Variants in DLG2 observed in about 807,000 individuals in gnomAD.
DLG2 encodes discs large MAGUK scaffold protein 2.
DLG2 carries 45 observed loss-of-function variants against 132.5 expected under a neutral mutation model. That is an observed-to-expected ratio of 0.34 (90% CI 0.27 to 0.44). DLG2 has a LOEUF of 0.44. Among genes scored for constraint, DLG2 ranks in the 20% least tolerant of loss-of-function variants. The pLI is 1.00. For synonymous variants in DLG2, 424 were observed against 419.6 expected, an observed-to-expected ratio of 1.01 and a Z score of -0.13; for missense variants, 1,045 against 1,196.9, an observed-to-expected ratio of 0.87 and a Z score of 1.87.
chr11:85,367,278 G>A (rs2084632536), intron 3 of DLG2, among the ~76,000 whole-genome samples: 1 of 152,162 alleles, frequency 6.6e-6, no homozygotes, highest in African/African-American at 2.4e-5. Context: ...TCTGAAAGCA[G>A]ATTGCCTGGA....
intron 2 of DLG2, among the ~76,000 whole-genome samples, chr11:85,613,175 C>T (rs958267188): frequency 3.9e-5 from 6 of 152,310 alleles, no homozygotes; most frequent in South Asian, 2.1e-4. Flanking sequence ...TGCTGTTACT[C>T]GCCTTTGGGC....
chr11:84,307,306 A>G lies in DLG2; in HGVS notation c.520-56015T>C, dbSNP rs75798025. ...AATGGGAGCTAAATATTGAGTACTCATGAACACAAAGGGGAACAATAGACA... is the reference window on the plus strand; with the variant it reads ...AATGGGAGCTAAATATTGAGTACTCGTGAACACAAAGGGGAACAATAGACA... On this transcript the variant is annotated intron_variant, in intron 7 of 27. Coordinates refer to ENST00000376104, the MANE Select transcript of DLG2 (RefSeq NM_001142699.3). Among the ~76,000 whole-genome samples, 958 of 152,278 alleles carry G rather than the reference A, an allele frequency of 6.3e-3. 6 individuals are homozygous for G. The highest frequency in any genetic ancestry group is 0.011 in the Non-Finnish European group (723 of 68,018).
chr11:83,661,435 A>G (rs1489173888), intron 18 of DLG2, among the ~76,000 whole-genome samples: 1 of 152,230 alleles, frequency 6.6e-6, no homozygotes, highest in African/African-American at 2.4e-5. Flanking sequence ...AATATCTACA[A>G]CAATATATTA....
intron 6 of DLG2, among the ~76,000 whole-genome samples, chr11:84,555,668 G>A (rs2099410519): frequency 6.6e-6 from 1 of 152,188 alleles, no homozygotes; most frequent in African/African-American, 2.4e-5. Flanking sequence ...GAGAGAGGAA[G>A]AAATAGGGAG....
intron 3 of DLG2, among the ~76,000 whole-genome samples, chr11:85,415,322 A>G (rs1229678206): frequency 2.0e-5 from 3 of 152,084 alleles, no homozygotes; most frequent in East Asian, 1.9e-4. Flanking sequence ...ATAAACATAC[A>G]TGTGCATGTG....
intron 7 of DLG2, among the ~76,000 whole-genome samples, chr11:84,498,922 G>A (rs951725697): frequency 1.3e-5 from 2 of 152,158 alleles, no homozygotes; most frequent in East Asian, 3.9e-4. Flanking sequence ...TGAGGGCCAG[G>A]TACAGTGCTT....
chr11:84,106,813 CTG>C (rs71066090), intron 9 of DLG2, among the ~76,000 whole-genome samples: 82,724 of 132,280 alleles, frequency 0.63, 26,150 homozygotes, highest in Middle Eastern at 0.77. Context: ...AGATTATTAT[CTG>C]TGTGTGTGTG....
intron 10 of DLG2, among the ~76,000 whole-genome samples, chr11:84,097,167 A>T (rs1435303855): frequency 6.6e-6 from 1 of 152,180 alleles, no homozygotes. Context: ...GCTTTATTTA[A>T]TAAGACTCCG....
chr11:85,415,383 G>A (rs2089737843), intron 3 of DLG2, among the ~76,000 whole-genome samples: 1 of 152,138 alleles, frequency 6.6e-6, no homozygotes, highest in African/African-American at 2.4e-5. Flanking sequence ...CCAGTAATGG[G>A]ACTGCTGGGT....
chr11:83,598,772 G>A (rs1046189741), intron 19 of DLG2, among the ~76,000 whole-genome samples: 3 of 152,190 alleles, frequency 2.0e-5, no homozygotes, highest in Non-Finnish European at 4.4e-5. Flanking sequence ...CACTGCTTTA[G>A]CAAACAGAGT....
chr11:84,424,973 G>A (rs2098961804), intron 7 of DLG2, among the ~76,000 whole-genome samples: 1 of 152,060 alleles, frequency 6.6e-6, no homozygotes, highest in African/African-American at 2.4e-5. Flanking sequence ...TGTTTAAGCA[G>A]TATAGAGTTT....
At chr11:83,977,760 A>T (rs1188903665) in intron 12 of DLG2, among the ~76,000 whole-genome samples, 1 of 152,078 alleles carries the variant, frequency 6.6e-6, no homozygotes, top group Non-Finnish European at 1.5e-5. Flanking sequence ...CTGGAAGTTC[A>T]CACCCTAACT....
intron 6 of DLG2, among the ~76,000 whole-genome samples, chr11:84,887,800 G>T (rs557665739): frequency 1.3e-5 from 2 of 151,094 alleles, no homozygotes; most frequent in Non-Finnish European, 2.9e-5. Context: ...CCTCCATACC[G>T]TTTCTTCACA....
intron 18 of DLG2, among the ~76,000 whole-genome samples, chr11:83,640,133 G>C (rs894971631): frequency 6.6e-6 from 1 of 152,146 alleles, no homozygotes; most frequent in Non-Finnish European, 1.5e-5. Flanking sequence ...CTGTAAACAG[G>C]ACTCTGCACA....
At chr11:84,658,744 A>G (rs1262516437) in intron 6 of DLG2, among the ~76,000 whole-genome samples, 2 of 152,070 alleles carry the variant, frequency 1.3e-5, no homozygotes, top group African/African-American at 4.8e-5. Context: ...GCCTTCCACC[A>G]CGATTAAAAG....
chr11:83,483,033 CAG>C (rs1433381754), intron 22 of DLG2, among the ~76,000 whole-genome samples: 3 of 152,130 alleles, frequency 2.0e-5, no homozygotes, highest in African/African-American at 7.2e-5. Context: ...TTAACTGCAA[CAG>C]AAGTTAGAGT....
Position 83,786,762 on chromosome 11 carries a change from G to C in DLG2, c.1753C>G (p.His585Asp). Reference sequence around the variant, plus strand: ...TTTAGTGCAGCAGCTGCCTGCTCGTGGGATGCACCACGGAGGTCAATGCCA... The same window carrying C: ...TTTAGTGCAGCAGCTGCCTGCTCGTCGGATGCACCACGGAGGTCAATGCCA... ...VNGIDLRGAS[H>D]EQAAAALKGA... The change falls in exon 18 of 28, where the codon CAC becomes GAC. Residue 585 changes from histidine to aspartate, a missense_variant. By Grantham distance (81) the His-to-Asp change is moderately conservative. Around this residue, in one of 4 missense-constraint regions of DLG2, gnomAD observed 398 missense variants for 543.6 expected, o/e 0.73. Coordinates refer to ENST00000376104, the MANE Select transcript of DLG2 (RefSeq NM_001142699.3). 6.2e-7 allele frequency: 1 copy of C among 1,614,106 alleles called. No individual in the cohort carries two copies. Among genetic ancestry groups the C allele is most frequent in the Non-Finnish European group, 8.5e-7 (1 of 1,180,020 alleles).
intron 6 of DLG2, among the ~76,000 whole-genome samples, chr11:84,606,310 T>G (rs1028201256): frequency 6.6e-6 from 1 of 152,132 alleles, no homozygotes; most frequent in African/African-American, 2.4e-5. Flanking sequence ...GCGTACATGA[T>G]AACAATTTGT....
At chr11:84,158,672 T>C (rs1054385363) in intron 9 of DLG2, among the ~76,000 whole-genome samples, 2 of 152,186 alleles carry the variant, frequency 1.3e-5, no homozygotes, top group Non-Finnish European at 2.9e-5. Context: ...AGGTTAAACA[T>C]AGCAAAAGTA....
Sources: gnomAD v4.1 joint callset for allele counts (sites outside exome capture counted in the v4.1 genomes callset) on GRCh38, gnomAD v4.1.1 for gene constraint, gnomAD v4.1.1 regional missense constraint, MANE v1.5 for transcripts, NCBI Gene and HGNC (gene_info 2026-07-23, HGNC 2026-07-21) for gene names.